Variants in SRPK2 observed in about 807,000 individuals in gnomAD.
SRPK2 encodes the protein SFRS protein kinase 2.
Under a neutral mutation model 90.8 loss-of-function variants are expected in SRPK2, and 21 were observed. The observed-to-expected ratio is 0.23, with a 90% CI of 0.16 to 0.33. SRPK2 has a LOEUF of 0.33. SRPK2 is among the 10% of genes least tolerant of loss of function. SRPK2 has a pLI of 1.00. For synonymous variants in SRPK2, 288 were observed against 311.1 expected (o/e 0.93, Z 0.78); for missense variants, 620 against 869.0 (o/e 0.71, Z 3.60).
intron 2 of SRPK2, among the ~76,000 whole-genome samples, chr7:105,360,836 A>G (rs547905792): frequency 2.5e-4 from 38 of 152,230 alleles, no homozygotes; most frequent in Non-Finnish European, 4.0e-4. Context: ...TCAAAATAGT[A>G]AGAGCTATTT....
intron 2 of SRPK2, among the ~76,000 whole-genome samples, chr7:105,281,668 T>G (rs11765045): frequency 2.8e-5 from 4 of 145,406 alleles, no homozygotes; most frequent in Admixed American, 6.8e-5. Context: ...GTTGCTAAGG[T>G]AAAAAAAAAA....
At chr7:105,381,615 C>G (rs1366090853) in intron 2 of SRPK2, among the ~76,000 whole-genome samples, 1 of 152,224 alleles carries the variant, frequency 6.6e-6, no homozygotes, top group Non-Finnish European at 1.5e-5. Context: ...GCATCCAACA[C>G]ACACCCTGGC....
chr7:105,197,880 G>C (rs1795114205), intron 3 of SRPK2, among the ~76,000 whole-genome samples: 1 of 152,222 alleles, frequency 6.6e-6, no homozygotes, highest in Admixed American at 6.5e-5. Context: ...ACTTATCTAA[G>C]AATGATTTAA....
chr7:105,330,938 G>C (rs1814235197), intron 2 of SRPK2, among the ~76,000 whole-genome samples: 1 of 152,106 alleles, frequency 6.6e-6, no homozygotes, highest in Non-Finnish European at 1.5e-5. Context: ...AAGCTACAGT[G>C]AGCTGTGATT....
intron 7 of SRPK2, among the ~76,000 whole-genome samples, chr7:105,154,590 C>A (rs1430373798): frequency 1.3e-5 from 2 of 152,082 alleles, no homozygotes; most frequent in Admixed American, 1.3e-4. Flanking sequence ...GGGTTGCACC[C>A]CAAAGGGAGA....
At chr7:105,298,100 C>T (rs1443286941) in intron 2 of SRPK2, among the ~76,000 whole-genome samples, 1 of 152,280 alleles carries the variant, frequency 6.6e-6, no homozygotes, top group East Asian at 1.9e-4. Flanking sequence ...AGTTTTGACA[C>T]AGTTGTGTAA....
intron 2 of SRPK2, among the ~76,000 whole-genome samples, chr7:105,258,432 A>G (rs1433329206): frequency 2.1e-3 from 308 of 146,782 alleles, no homozygotes; most frequent in African/African-American, 6.8e-3. Context: ...AAAAAAAAAA[A>G]AAAGAAAGAA....
At chr7:105,304,808 C>G (rs1251444757) in intron 2 of SRPK2, among the ~76,000 whole-genome samples, 1 of 152,204 alleles carries the variant, frequency 6.6e-6, no homozygotes, top group Admixed American at 6.5e-5. Flanking sequence ...AACCGCAGGG[C>G]TGCCCTGGCC....
chr7:105,269,670 C>G (rs993980976), intron 2 of SRPK2, among the ~76,000 whole-genome samples: 76 of 152,176 alleles, frequency 5.0e-4, no homozygotes, highest in African/African-American at 1.7e-3. Flanking sequence ...AGGGAGATAA[C>G]AGACTAAAAG....
Position 105,331,334 on chromosome 7 carries a change from AAAAC to A in SRPK2, c.71+57310_71+57313del, listed in dbSNP as rs1563248729. On this transcript the variant is annotated intron_variant, in intron 2 of 15. Coordinates refer to ENST00000393651, the MANE Select transcript of SRPK2 (RefSeq NM_182692.3). ...AAAAAAAAAAAAAAAAAAAAAAAAA[AAAAC>A]AAATAGTTATTACACAATTAATCTG... Among the ~76,000 whole-genome samples the A allele has an allele frequency of 2.1e-5, 3 of 145,940 alleles. 1 individual carries two copies. Among genetic ancestry groups the A allele is most frequent in the African/African-American group, 8.0e-5 (3 of 37,546 alleles).
At chr7:105,333,164 A>G (rs1361011727) in intron 2 of SRPK2, among the ~76,000 whole-genome samples, 5 of 152,236 alleles carry the variant, frequency 3.3e-5, no homozygotes, top group Non-Finnish European at 7.3e-5. Flanking sequence ...ACTGCACTCC[A>G]GCCTGAGCGA....
chr7:105,192,891 AT>A (rs534302350), intron 3 of SRPK2, among the ~76,000 whole-genome samples: 10 of 150,886 alleles, frequency 6.6e-5, no homozygotes, highest in Non-Finnish European at 1.2e-4. Context: ...TTTTCATGGG[AT>A]TTTTTTTTCC....
At chr7:105,358,559 G>C (rs991035110) in intron 2 of SRPK2, among the ~76,000 whole-genome samples, 3 of 151,542 alleles carry the variant, frequency 2.0e-5, no homozygotes, top group Admixed American at 2.0e-4. Context: ...GGTGGTTCTT[G>C]CCTGCCGTGT....
At chr7:105,248,537 A>G (rs1409117064) in intron 2 of SRPK2, among the ~76,000 whole-genome samples, 1 of 151,580 alleles carries the variant, frequency 6.6e-6, no homozygotes. Context: ...TCCAGGGTTG[A>G]GGCTGCAGTG....
intron 2 of SRPK2, among the ~76,000 whole-genome samples, chr7:105,336,602 C>T (rs1411775650): frequency 6.6e-6 from 1 of 152,128 alleles, no homozygotes; most frequent in Non-Finnish European, 1.5e-5. Flanking sequence ...AAATTTTACT[C>T]TATAGCAATC....
At chr7:105,164,612 T>C (rs1808235383) in intron 6 of SRPK2, among the ~76,000 whole-genome samples, 1 of 152,196 alleles carries the variant, frequency 6.6e-6, no homozygotes, top group Admixed American at 6.5e-5. Flanking sequence ...TTGATGAAAC[T>C]TATGTGAGAA....
intron 2 of SRPK2, chr7:105,268,931 C>G: frequency 2.0e-6 from 3 of 1,525,716 alleles, no homozygotes; most frequent in Non-Finnish European, 2.7e-6. Flanking sequence ...AGCCTTATAT[C>G]AAGAGATTTT....
chr7:105,262,472 T>G (rs917195602), intron 2 of SRPK2, among the ~76,000 whole-genome samples: 15 of 152,202 alleles, frequency 9.9e-5, no homozygotes, highest in Non-Finnish European at 1.8e-4. Context: ...ACTGCGGCTC[T>G]GATTTACATT....
At chr7:105,391,331 G>A (rs1822178240), upstream of SRPK2, among the ~76,000 whole-genome samples, 3 of 151,860 alleles carry the variant, frequency 2.0e-5, no homozygotes, top group South Asian at 4.2e-4. Context: ...TCAACCCTCC[G>A]AGTAGCTGGG....
Sources: allele counts gnomAD v4.1 joint callset (sites outside exome capture counted in the v4.1 genomes callset), GRCh38; gene constraint gnomAD v4.1.1; transcripts MANE v1.5; gene names NCBI Gene and HGNC (gene_info 2026-07-23, HGNC 2026-07-21).